Variants in LEPROTL1 observed in about 807,000 individuals in gnomAD.
LEPROTL1 encodes leptin receptor overlapping transcript like 1.
A neutral mutation model predicts 15.4 loss-of-function variants in LEPROTL1; 6 were observed. The observed-to-expected ratio is 0.39, with a 90% CI of 0.21 to 0.77. The LOEUF (loss-of-function observed/expected upper bound fraction) is 0.77, where lower values mean the gene tolerates loss of function less well. Among genes scored for constraint, LEPROTL1 ranks in the 30% least tolerant of loss-of-function variants. LEPROTL1 has a pLI of 0.41. For missense variants in LEPROTL1, 128 were observed against 158.1 expected (o/e 0.81, Z 1.02); for synonymous variants, 56 against 52.6 (o/e 1.06, Z -0.28).
intron 4 of LEPROTL1, among the ~76,000 whole-genome samples, chr8:30,133,151 A>G (rs1416280564): frequency 4.6e-5 from 7 of 152,156 alleles, no homozygotes; most frequent in Admixed American, 3.9e-4. Flanking sequence ...TCCTGGGCTT[A>G]AGCAATCTGC....
At chr8:30,129,101 A>G (rs1255407786) in intron 3 of LEPROTL1, among the ~76,000 whole-genome samples, 1 of 151,962 alleles carries the variant, frequency 6.6e-6, no homozygotes, top group Non-Finnish European at 1.5e-5. Context: ...GCATCTCCCT[A>G]TGTTGCCCAG....
intron 3 of LEPROTL1, chr8:30,132,238 T>C (rs1803034100): frequency 6.4e-7 from 1 of 1,551,770 alleles, no homozygotes. Flanking sequence ...ATGGAGTCCA[T>C]GCCACCAGGC....
At chr8:30,126,176 C>T (rs985625831) in intron 3 of LEPROTL1, among the ~76,000 whole-genome samples, 2 of 152,154 alleles carry the variant, frequency 1.3e-5, no homozygotes, top group African/African-American at 4.8e-5. Flanking sequence ...TGGCTCAGTT[C>T]CTAACAGGCT....
At chr8:30,118,845 C>T (rs1802781719) in intron 3 of LEPROTL1, among the ~76,000 whole-genome samples, 1 of 152,158 alleles carries the variant, frequency 6.6e-6, no homozygotes, top group Non-Finnish European at 1.5e-5. Flanking sequence ...CCTGGATGTG[C>T]ACGTAGGCCG....
intron 3 of LEPROTL1, chr8:30,131,940 A>G: frequency 6.5e-7 from 1 of 1,540,406 alleles, no homozygotes; most frequent in Non-Finnish European, 8.8e-7. Context: ...CCAGGGAAAG[A>G]TGTCAGTTAC....
intron 1 of LEPROTL1, among the ~76,000 whole-genome samples, chr8:30,097,698 T>TACACACACACACACAC (rs71204262): frequency 8.3e-5 from 9 of 108,772 alleles, no homozygotes; most frequent in African/African-American, 2.8e-4. Context: ...TATATATATA[T>TACACACACACACACAC]ACACACACAC....
intron 4 of LEPROTL1, chr8:30,132,912 A>G (rs1344666577): frequency 6.7e-7 from 1 of 1,499,850 alleles, no homozygotes; most frequent in East Asian, 2.5e-5. Flanking sequence ...AGAACCTGCA[A>G]GATAATTTTT....
downstream of LEPROTL1, among the ~76,000 whole-genome samples, chr8:30,112,962 C>G (rs1394743923): frequency 3.9e-5 from 6 of 151,924 alleles, no homozygotes. Flanking sequence ...ACTCCTGCAC[C>G]GAATCTTAGA....
In LEPROTL1 at chr8:30,133,735, G is replaced by A. The variant is rs1803076258; in HGVS notation, c.394+1246G>A. ...GCCCAGGAGTTCAAGGCTGCAGTGA[G>A]CTATGATTGCACCACTGCACTCCAG... On this transcript the variant is annotated intron_variant, in intron 4 of 4. Coordinates refer to the LEPROTL1 transcript ENST00000442880. 2.1e-5 allele frequency among the ~76,000 whole-genome samples: 3 copies of A among 146,320 alleles called. No individual in the cohort carries two copies. The Admixed American group carries it at 2.1e-4, about 10-fold the overall frequency.
At chr8:30,099,626 C>A (rs922977120) in intron 1 of LEPROTL1, among the ~76,000 whole-genome samples, 5 of 130,326 alleles carry the variant, frequency 3.8e-5, no homozygotes, top group African/African-American at 8.5e-5. Context: ...AAAAAAAAAA[C>A]CAGCAAAAAA....
At chr8:30,099,059 C>T (rs534226934) in intron 1 of LEPROTL1, among the ~76,000 whole-genome samples, 20 of 152,280 alleles carry the variant, frequency 1.3e-4, no homozygotes, top group Non-Finnish European at 2.8e-4. Flanking sequence ...TGTATCTAGA[C>T]TAGCACTCCC....
chr8:30,107,208 A>C lies in LEPROTL1; in HGVS notation c.*1346A>C. ...TGTGTGAGTTAATGCAAAGTAGCCA[A>C]GTCCAGCTATATAGCAGCTTCAGAA... On this transcript the variant is annotated 3_prime_UTR_variant, in exon 4 of 4. Coordinates refer to ENST00000321250, the MANE Select transcript of LEPROTL1 (RefSeq NM_015344.3). 2 of 985,474 alleles carry C rather than the reference A, an allele frequency of 2.0e-6. No individual in the cohort carries two copies. Among genetic ancestry groups the C allele is most frequent in the Non-Finnish European group, 2.4e-6 (2 of 829,944 alleles). The allele number at this position is 985,474 out of a possible 1,614,324, so 61.0% of individuals were successfully genotyped here.
intron 4 of LEPROTL1, chr8:30,137,236 C>A: frequency 6.7e-7 from 1 of 1,481,542 alleles, no homozygotes; most frequent in Non-Finnish European, 9.2e-7. Flanking sequence ...CAACACTTCT[C>A]TAGACTGTAA....
chr8:30,109,766 A>T (rs971767960), downstream of LEPROTL1, among the ~76,000 whole-genome samples: 1 of 152,224 alleles, frequency 6.6e-6, no homozygotes, highest in African/African-American at 2.4e-5. Flanking sequence ...ATTTCTGTAC[A>T]CAGTACATCA....
intron 3 of LEPROTL1, among the ~76,000 whole-genome samples, chr8:30,120,897 A>G (rs928171109): frequency 3.9e-5 from 6 of 152,180 alleles, no homozygotes; most frequent in Non-Finnish European, 8.8e-5. Flanking sequence ...TGTACACTTC[A>G]GTATTGTTAT....
chr8:30,134,244 G>A (rs1803090812), intron 4 of LEPROTL1, among the ~76,000 whole-genome samples: 1 of 151,956 alleles, frequency 6.6e-6, no homozygotes, highest in African/African-American at 2.4e-5. Context: ...CCGATATGGT[G>A]AAACCTCATT....
At chr8:30,131,144 T>C (rs1038367159) in intron 3 of LEPROTL1, among the ~76,000 whole-genome samples, 3 of 151,298 alleles carry the variant, frequency 2.0e-5, no homozygotes, top group Admixed American at 2.0e-4. Context: ...CAGGCTGGGG[T>C]GCAGTGGCAC....
At chr8:30,118,675 G>A (rs576809815) in intron 3 of LEPROTL1, among the ~76,000 whole-genome samples, 8 of 152,306 alleles carry the variant, frequency 5.3e-5, no homozygotes, top group African/African-American at 1.4e-4. Context: ...GACCTGCACC[G>A]GCACCGGTTT....
At chr8:30,111,096 G>A (rs915104746), downstream of LEPROTL1, among the ~76,000 whole-genome samples, 4 of 152,222 alleles carry the variant, frequency 2.6e-5, no homozygotes, top group East Asian at 7.7e-4. Context: ...TTTCTGAAAG[G>A]GTTTACAATT....
Sources: allele counts gnomAD v4.1 joint callset (sites outside exome capture counted in the v4.1 genomes callset), GRCh38; gene constraint gnomAD v4.1.1; transcripts MANE v1.5; gene names NCBI Gene and HGNC (gene_info 2026-07-23, HGNC 2026-07-21).